Variants in SPIRE1 observed in about 807,000 individuals in gnomAD.
SPIRE1 encodes the protein spire type actin nucleation factor 1, also known as protein spire homolog 1.
SPIRE1 carries 40 observed loss-of-function variants against 94.1 expected under a neutral mutation model. The ratio of observed to expected loss-of-function variants is 0.43; its 90% CI spans 0.33 to 0.55. SPIRE1 has a LOEUF of 0.55. Among genes scored for constraint, SPIRE1 ranks in the 20% least tolerant of loss-of-function variants. The pLI, the probability that SPIRE1 is intolerant of heterozygous loss-of-function variation, is 0.06. For synonymous variants in SPIRE1, 376 were observed against 371.7 expected (o/e 1.01, Z -0.13); for missense variants, 838 against 975.2 (o/e 0.86, Z 1.87).
intron 2 of SPIRE1, among the ~76,000 whole-genome samples, chr18:12,577,649 T>C (rs948963003): frequency 5.3e-5 from 8 of 152,172 alleles, no homozygotes; most frequent in African/African-American, 1.9e-4. Context: ...AAATAAAAAG[T>C]TGACAAATTA....
intron 2 of SPIRE1, among the ~76,000 whole-genome samples, chr18:12,590,350 A>G (rs915450528): frequency 2.6e-5 from 4 of 152,162 alleles, no homozygotes; most frequent in African/African-American, 7.2e-5. Flanking sequence ...TTGGCCTCCC[A>G]AAGTGTTGGG....
intron 6 of SPIRE1, 134 bp from the exon 7 acceptor site, chr18:12,496,236 A>C (rs942485896): frequency 5.0e-6 from 3 of 605,524 alleles, no homozygotes; most frequent in Non-Finnish European, 8.8e-6. Flanking sequence ...CAAATCAATA[A>C]AGTGGGGAGT....
At chr18:12,623,614 C>T (rs1474736969) in intron 2 of SPIRE1, among the ~76,000 whole-genome samples, 3 of 152,024 alleles carry the variant, frequency 2.0e-5, no homozygotes, top group Non-Finnish European at 4.4e-5. Flanking sequence ...CTAAGACAGA[C>T]TGATAAGGCA....
intron 2 of SPIRE1, among the ~76,000 whole-genome samples, chr18:12,578,461 A>G (rs751606288): frequency 1.3e-5 from 2 of 152,244 alleles, no homozygotes; most frequent in African/African-American, 4.8e-5. Flanking sequence ...CACATTCTGT[A>G]TAGTTCAATT....
chr18:12,646,256 T>C (rs1007269327), intron 1 of SPIRE1, among the ~76,000 whole-genome samples: 2 of 152,146 alleles, frequency 1.3e-5, no homozygotes, highest in African/African-American at 4.8e-5. Context: ...AAACCAGATC[T>C]CCTCTGTAAC....
chr18:12,613,805 C>T (rs567459780), intron 2 of SPIRE1, among the ~76,000 whole-genome samples: 2 of 152,078 alleles, frequency 1.3e-5, no homozygotes, highest in African/African-American at 4.8e-5. Context: ...GCAAGAGATT[C>T]GCTTAAACCA....
chr18:12,469,899 A>G (rs1467002527), intron 10 of SPIRE1, among the ~76,000 whole-genome samples: 1 of 151,700 alleles, frequency 6.6e-6, no homozygotes, highest in Non-Finnish European at 1.5e-5. Context: ...AGATTTAAAA[A>G]TAACATAAGA....
At position 12,449,483 on chromosome 18, in the gene SPIRE1, A is replaced by C. The variant is rs369598944; in HGVS notation, c.*155T>G. On this transcript the variant is annotated 3_prime_UTR_variant, in exon 17 of 17. Transcript: ENST00000409402. Reference sequence around the variant, plus strand: ...TTTCATCAATCGATACGAACACAGCATTCAGTCTGTGGAACAATGTGATGC... The same window carrying C: ...TTTCATCAATCGATACGAACACAGCCTTCAGTCTGTGGAACAATGTGATGC... 1.9e-5 allele frequency: 14 copies of C among 749,338 alleles called. No homozygotes were observed. In the East Asian group the frequency reaches 2.4e-4, roughly 13 times the overall value. The allele number at this position is 749,338 out of a possible 1,614,324, so 46.4% of individuals were successfully genotyped here.
At chr18:12,452,884 A>C (rs2031315354) in intron 14 of SPIRE1, among the ~76,000 whole-genome samples, 184 bp downstream of exon 14, 1 of 152,218 alleles carries the variant, frequency 6.6e-6, no homozygotes, top group African/African-American at 2.4e-5. Flanking sequence ...TATCAAATAA[A>C]TATTTGGCTC....
intron 6 of SPIRE1, among the ~76,000 whole-genome samples, chr18:12,499,869 A>G (rs2033596398): frequency 6.6e-6 from 1 of 152,238 alleles, no homozygotes. Context: ...TCCACCATCC[A>G]GAATATATAA....
At chr18:12,645,779 C>T in intron 1 of SPIRE1, among the ~76,000 whole-genome samples, 1 of 152,108 alleles carries the variant, frequency 6.6e-6, no homozygotes, top group Admixed American at 6.6e-5. Context: ...TTCCATAGCT[C>T]TCCACTGCCT....
intron 2 of SPIRE1, among the ~76,000 whole-genome samples, chr18:12,572,240 G>T (rs1349483633): frequency 6.6e-6 from 1 of 152,166 alleles, no homozygotes; most frequent in Non-Finnish European, 1.5e-5. Flanking sequence ...CTATCTAAAG[G>T]ATATGGGTCT....
chr18:12,650,952 A>G (rs909233739), intron 1 of SPIRE1, among the ~76,000 whole-genome samples: 2 of 152,090 alleles, frequency 1.3e-5, no homozygotes, highest in African/African-American at 4.8e-5. Context: ...ATGAACATCT[A>G]AACTTACTGT....
chr18:12,481,471 T>C (rs73403730), intron 9 of SPIRE1, among the ~76,000 whole-genome samples: 2,235 of 152,060 alleles, frequency 0.015, 59 homozygotes, highest in African/African-American at 0.051. Flanking sequence ...ATATATCTTA[T>C]TTAATATTTA....
intron 8 of SPIRE1, among the ~76,000 whole-genome samples, chr18:12,487,729 G>A (rs1218129949): frequency 1.3e-5 from 2 of 152,076 alleles, no homozygotes; most frequent in Non-Finnish European, 2.9e-5. Context: ...TTTATTTCCT[G>A]TTGAAGCACT....
Position 12,452,478 on chromosome 18 carries a change from A to C in SPIRE1, c.1875+7T>G. 6.2e-7 allele frequency: 1 copy of C among 1,614,046 alleles called. No homozygotes were observed. The highest frequency in any genetic ancestry group is 8.5e-7 in the Non-Finnish European group (1 of 1,180,040). ...ACACAAGTATAAATGAACCAAGCTTAGCTTACCTTTTTGCAACACTGTGAG... is the reference window on the plus strand; with the variant it reads ...ACACAAGTATAAATGAACCAAGCTTCGCTTACCTTTTTGCAACACTGTGAG... On this transcript the variant is annotated splice_region_variant and intron_variant, in intron 15 of 16. Coordinates refer to ENST00000409402, the MANE Select transcript of SPIRE1 (RefSeq NM_001128626.2).
At chr18:12,452,946 G>A (rs974564161) in intron 14 of SPIRE1, 122 bp downstream of exon 14, 4 of 655,978 alleles carry the variant, frequency 6.1e-6, no homozygotes, top group South Asian at 2.3e-5. Context: ...ACAAGGTAAC[G>A]TAACAGAGTG....
intron 2 of SPIRE1, among the ~76,000 whole-genome samples, chr18:12,617,048 C>T (rs1406638853): frequency 2.7e-5 from 4 of 149,788 alleles, no homozygotes; most frequent in East Asian, 2.0e-4. Flanking sequence ...TTAGTAGAGA[C>T]GGGGTTTCAC....
At chr18:12,618,229 G>A (rs2037367690) in intron 2 of SPIRE1, among the ~76,000 whole-genome samples, 1 of 152,000 alleles carries the variant, frequency 6.6e-6, no homozygotes, top group Non-Finnish European at 1.5e-5. Context: ...AGCCTCCCGA[G>A]TAGCTGGGAC....
Sources: gnomAD v4.1 joint callset for allele counts (sites outside exome capture counted in the v4.1 genomes callset) on GRCh38, gnomAD v4.1.1 for gene constraint, MANE v1.5 for transcripts, NCBI Gene and HGNC (gene_info 2026-07-23, HGNC 2026-07-21) for gene names.